Variants in SORD observed in about 807,000 individuals in gnomAD.
SORD encodes the protein sorbitol dehydrogenase.
In SORD, 18 loss-of-function variants were observed where a neutral mutation model predicts 35.6. That is an observed-to-expected ratio of 0.51 (90% CI 0.35 to 0.75). SORD has a LOEUF of 0.75. SORD is among the 30% of genes least tolerant of loss of function. The pLI is 0.01. For missense variants in SORD, 250 were observed against 390.2 expected (o/e 0.64, Z 3.03); for synonymous variants, 106 against 152.9 (o/e 0.69, Z 2.26).
At position 45,065,361 on chromosome 15, in the gene SORD, G is replaced by A; in HGVS notation, c.516G>A (p.Leu172=). The part of the protein sequence containing the change: ...IHACRRGGVT[L]GHKVLVCGAG... ...CCTGCAGGAGAGGCGGAGTTACCCT[G>A]GGACACAAGGTCCTTGTGTGTGGAG... The change falls in exon 5 of 9, where the codon CTG becomes CTA. Residue 172 remains leucine, a synonymous_variant. Transcript: ENST00000267814. 1 of 1,613,504 alleles carries A rather than the reference G, an allele frequency of 6.2e-7. No individual in the cohort carries two copies.
intron 1 of SORD, among the ~76,000 whole-genome samples, chr15:45,027,604 C>A (rs1303426177): frequency 2.0e-5 from 3 of 152,264 alleles, no homozygotes; most frequent in African/African-American, 4.8e-5. Flanking sequence ...AACACATGAA[C>A]AGTTTTCCTA....
At chr15:45,054,471 C>T (rs367558747) in intron 3 of SORD, among the ~76,000 whole-genome samples, 108 of 152,166 alleles carry the variant, frequency 7.1e-4, no homozygotes, top group Admixed American at 1.2e-3. Context: ...TCATGTCCTT[C>T]GCCCACTTTT....
chr15:45,063,634 A>G (rs1893359095), intron 4 of SORD, among the ~76,000 whole-genome samples: 1 of 152,048 alleles, frequency 6.6e-6, no homozygotes, highest in Non-Finnish European at 1.5e-5. Context: ...CCTGATAACA[A>G]TCTTCCCTCA....
intron 1 of SORD, among the ~76,000 whole-genome samples, chr15:45,031,336 A>C (rs1393573981): frequency 4.9e-5 from 6 of 122,702 alleles, no homozygotes; most frequent in African/African-American, 2.9e-4. Context: ...CAAAAAAAAA[A>C]AAACAACAGG....
At chr15:45,067,244 C>G (rs2854441) in intron 5 of SORD, among the ~76,000 whole-genome samples, 103,691 of 152,024 alleles carry the variant, frequency 0.68, 42,271 homozygotes, top group South Asian at 0.9. Flanking sequence ...TGCCTGTAAT[C>G]TCCACTACTT....
Position 45,032,341 on chromosome 15 carries a change from G to C in SORD, c.67-8067G>C, listed in dbSNP as rs150235880. Among the ~76,000 whole-genome samples, 488 of 152,180 alleles carry C rather than the reference G, an allele frequency of 3.2e-3. 3 individuals carry two copies. Among genetic ancestry groups the C allele is most frequent in the African/African-American group, 0.011 (461 of 41,528 alleles). On this transcript the variant is annotated intron_variant, in intron 1 of 8. Coordinates refer to ENST00000267814, the MANE Select transcript of SORD (RefSeq NM_003104.6). ...ATATATTTTTATAAAACAATAACTAGAAGGAAAAAAAGACTCCATTTTGAG... is the reference window on the plus strand; with the variant it reads ...ATATATTTTTATAAAACAATAACTACAAGGAAAAAAAGACTCCATTTTGAG...
intron 4 of SORD, 121 bp downstream of exon 4, chr15:45,061,347 C>A: frequency 1.9e-6 from 2 of 1,051,908 alleles, no homozygotes; most frequent in Non-Finnish European, 1.4e-6. Context: ...GAGGCATCAC[C>A]TGGACAGGCT....
At chr15:45,062,391 C>T (rs1237946463) in intron 4 of SORD, among the ~76,000 whole-genome samples, 5 of 152,222 alleles carry the variant, frequency 3.3e-5, no homozygotes, top group Admixed American at 2.0e-4. Flanking sequence ...TGGCCCCAGC[C>T]GTGGAGCTCT....
At chr15:45,025,785 G>A (rs1014449933) in intron 1 of SORD, among the ~76,000 whole-genome samples, 5 of 152,092 alleles carry the variant, frequency 3.3e-5, no homozygotes, top group African/African-American at 9.7e-5. Flanking sequence ...GCACTGCCCC[G>A]CCACCCAGGA....
In SORD at chr15:45,069,262, C is replaced by T. The variant is rs1226562413; in HGVS notation, c.786+210C>T. On this transcript the variant is annotated intron_variant, in intron 7 of 8. Transcript: ENST00000267814. Reference sequence around the variant, plus strand: ...CACTCAGTCGCCCAGGCTGGAGTGCCGTGGCTCGATCTCAGCTAACTGCAA... The same window carrying T: ...CACTCAGTCGCCCAGGCTGGAGTGCTGTGGCTCGATCTCAGCTAACTGCAA... Among the ~76,000 whole-genome samples the T allele has an allele frequency of 5.7e-5, 8 of 139,216 alleles. No individual in the cohort carries two copies. The East Asian group carries it at 1.2e-3, about 22-fold the overall frequency. The allele number at this position is 139,216 out of a possible 152,430, so 91.3% of individuals were successfully genotyped here.
At chr15:45,035,848 G>T (rs2141266371) in intron 1 of SORD, among the ~76,000 whole-genome samples, 1 of 151,680 alleles carries the variant, frequency 6.6e-6, no homozygotes, top group African/African-American at 2.4e-5. Context: ...GCGAAGGTCT[G>T]CAGCTTCACT....
chr15:45,067,351 C>T (rs1490635882), intron 5 of SORD, among the ~76,000 whole-genome samples: 1 of 152,082 alleles, frequency 6.6e-6, no homozygotes, highest in Non-Finnish European at 1.5e-5. Context: ...CAGAGCGAGA[C>T]TCTGTCTCAA....
chr15:45,065,859 G>C (rs1893396815), intron 5 of SORD, among the ~76,000 whole-genome samples: 1 of 152,124 alleles, frequency 6.6e-6, no homozygotes, highest in Non-Finnish European at 1.5e-5. Flanking sequence ...GGTCAAGGGT[G>C]CAGCGAGCCA....
Position 45,035,089 on chromosome 15 carries a change from C to T in SORD, c.67-5319C>T, listed in dbSNP as rs533905955. ...CTTCCCGCGGGGCAGGGCTCGGGACCTGCAGCCCGCCATGCCTGACCCTTC... is the reference window on the plus strand; with the variant it reads ...CTTCCCGCGGGGCAGGGCTCGGGACTTGCAGCCCGCCATGCCTGACCCTTC... On this transcript the variant is annotated intron_variant, in intron 1 of 8. Transcript: ENST00000267814. Among the ~76,000 whole-genome samples, 507 of 152,290 alleles carry T rather than the reference C, an allele frequency of 3.3e-3. 2 individuals are homozygous for T. Among genetic ancestry groups the T allele is most frequent in the Middle Eastern group, 0.01 (3 of 294 alleles).
At chr15:45,064,373 C>G (rs12324158) in intron 4 of SORD, among the ~76,000 whole-genome samples, 1 of 152,134 alleles carries the variant, frequency 6.6e-6, no homozygotes. Context: ...TCTAAAAAAG[C>G]CTGCCCTACC....
chr15:45,044,015 G>A (rs1349708464), intron 3 of SORD, among the ~76,000 whole-genome samples: 67 of 151,932 alleles, frequency 4.4e-4, no homozygotes, highest in Admixed American at 7.9e-4. Context: ...CGGAAATAAG[G>A]TCACGTTATT....
intron 3 of SORD, among the ~76,000 whole-genome samples, chr15:45,046,909 T>G (rs1893053481): frequency 6.6e-6 from 1 of 152,112 alleles, no homozygotes; most frequent in African/African-American, 2.4e-5. Context: ...TCCCAGCTAT[T>G]CAGGAGGCTG....
intron 2 of SORD, among the ~76,000 whole-genome samples, chr15:45,040,839 G>T (rs1408924909): frequency 2.0e-5 from 3 of 152,196 alleles, no homozygotes; most frequent in African/African-American, 7.2e-5. Context: ...CTTTGAAAAG[G>T]AGTGAGTCTA....
intron 3 of SORD, among the ~76,000 whole-genome samples, chr15:45,047,421 A>G (rs1200717078): frequency 6.6e-6 from 1 of 152,164 alleles, no homozygotes; most frequent in African/African-American, 2.4e-5. Context: ...TACAGAGGTG[A>G]GCAGACAGTC....
Sources: gnomAD v4.1 joint callset for allele counts (sites outside exome capture counted in the v4.1 genomes callset) on GRCh38, gnomAD v4.1.1 for gene constraint, MANE v1.5 for transcripts, NCBI Gene and HGNC (gene_info 2026-07-23, HGNC 2026-07-21) for gene names.